Variants in SLC39A4 observed in about 807,000 individuals in gnomAD.
SLC39A4 encodes the protein solute carrier family 39 member 4.
SLC39A4 carries 49 observed loss-of-function variants against 56.6 expected under a neutral mutation model. The observed-to-expected ratio is 0.87, with a 90% CI of 0.69 to 1.10. The LOEUF is 1.10. Ranked by LOEUF, SLC39A4 falls within the 50% of genes least tolerant of loss-of-function variation. The pLI is 0.00. For missense variants in SLC39A4, 993 were observed against 864.2 expected (o/e 1.15, Z -1.87); for synonymous variants, 540 against 420.4 (o/e 1.28, Z -3.48).
rs1554873854 is a variant in SLC39A4, at chr8:144,415,938, C to T, written c.346G>A (p.Ala116Thr). The change falls in exon 2 of 12, where the codon GCT becomes ACT. Residue 116 changes from alanine to threonine, a missense_variant. By Grantham distance (58) the Ala-to-Thr change is moderately conservative (BLOSUM62 0). Transcript: ENST00000301305. ...TCTGCATGAGAGGCCCAGAGGCCAG[C>T]CCGAGCGTCCTCACAGGTGCCCTCG... Reference protein sequence around the residue: ...NPEGTCEDARAGLWASHADHL... With the variant: ...NPEGTCEDARTGLWASHADHL... 3.1e-6 allele frequency: 5 copies of T among 1,595,416 alleles called. No individual in the cohort carries two copies. The highest frequency in any genetic ancestry group is 4.3e-6 in the Non-Finnish European group (5 of 1,173,596).
At position 144,414,293 on chromosome 8, in the gene SLC39A4, G is replaced by T. The variant is rs368310239; in HGVS notation, c.1118C>A (p.Thr373Asn). Reference sequence around the variant, plus strand: ...CGTCAGATGCAGGACAGCGTCCCCAGTGACTGCACCCACTGCCAGGCTCAG... The same window carrying T: ...CGTCAGATGCAGGACAGCGTCCCCATTGACTGCACCCACTGCCAGGCTCAG... ...TFLSLAVGAVTGDAVLHLTPK... is the reference protein window; with the variant it reads ...TFLSLAVGAVNGDAVLHLTPK... Residue 373 changes from threonine (T) to asparagine (N), a missense_variant, in exon 6 of 12, where the codon ACT becomes AAT. Coordinates refer to ENST00000301305, the MANE Select transcript of SLC39A4 (RefSeq NM_130849.4). 1.2e-6 allele frequency: 2 copies of T among 1,608,784 alleles called. No homozygotes were observed. Among genetic ancestry groups the T allele is most frequent in the Non-Finnish European group, 1.7e-6 (2 of 1,178,668 alleles).
chr8:144,416,018 T>G lies in SLC39A4; in HGVS notation c.266A>C (p.Glu89Ala). 1 of 1,579,514 alleles carries G rather than the reference T, an allele frequency of 6.3e-7. No individual in the cohort carries two copies. Among genetic ancestry groups the G allele is most frequent in the Non-Finnish European group, 8.6e-7 (1 of 1,164,126 alleles). ...ACTGAGGCGGGCGACGTACCTGGCCTCCAGGACCGGGCCCGGGGGCAGCCC... is the reference window on the plus strand; with the variant it reads ...ACTGAGGCGGGCGACGTACCTGGCCGCCAGGACCGGGCCCGGGGGCAGCCC... ...GSGLPPGPVL[E>A]ARYVARLSAA... The change falls in exon 2 of 12, where the codon GAG becomes GCG. Residue 89 changes from glutamate to alanine, a missense_variant. Physicochemically the swap from Glu to Ala is moderately radical, Grantham distance 107 (BLOSUM62 -1). Transcript: ENST00000301305.
Position 144,416,099 on chromosome 8 carries a change from C to G in SLC39A4, c.193-8G>C, listed in dbSNP as rs529649181. The G allele has an allele frequency of 2.2e-5, 36 of 1,600,680 alleles. 1 individual carries two copies. In the African/African-American group the frequency reaches 4.7e-4, roughly 21 times the overall value. ...GTCCTCCACAGACAGGCACTGTGGG[C>G]AGAGACAAGTGAGCAGGGGCGCTGG... On this transcript the variant is annotated splice_polypyrimidine_tract_variant and splice_region_variant and intron_variant, in intron 1 of 11. Coordinates refer to ENST00000301305, the MANE Select transcript of SLC39A4 (RefSeq NM_130849.4).
chr8:144,413,151 T>G, intron 10 of SLC39A4, 86 bp downstream of exon 10: 1 of 1,479,518 alleles, frequency 6.8e-7, no homozygotes, highest in Non-Finnish European at 9.0e-7. Flanking sequence ...CCGCCCATCT[T>G]CCAGGCCCCG....
chr8:144,412,695 GC>G, intron 11 of SLC39A4, 29 bp from the exon 12 acceptor site: 1 of 1,613,532 alleles, frequency 6.2e-7, no homozygotes, highest in Non-Finnish European at 8.5e-7. Flanking sequence ...CCGGGTCAGC[GC>G]CCCTGCTCAG....
intron 4 of SLC39A4, 38 bp downstream of exon 4, chr8:144,414,936 C>T (rs1822102812): frequency 1.9e-6 from 3 of 1,612,972 alleles, no homozygotes; most frequent in African/African-American, 1.3e-5. Flanking sequence ...CCAAGCAGAC[C>T]CCGGTGAGGC....
At chr8:144,414,666 T>A in intron 5 of SLC39A4, 59 bp downstream of exon 5, 12 of 1,597,960 alleles carry the variant, frequency 7.5e-6, no homozygotes, top group South Asian at 6.7e-5. Context: ...AGCCACTCCT[T>A]CCTTCCTACA....
Position 144,414,066 on chromosome 8 carries a change from C to G in SLC39A4, c.1179G>C (p.Glu393Asp), listed in dbSNP as rs782742517. 1.3e-6 allele frequency: 2 copies of G among 1,564,640 alleles called. No individual in the cohort carries two copies. Among genetic ancestry groups the G allele is most frequent in the Non-Finnish European group, 1.7e-6 (2 of 1,154,788 alleles). The change falls in exon 7 of 12, where the codon GAG (glutamate) becomes GAC (aspartate). Residue 393 changes from glutamate (E) to aspartate (D), a missense_variant. Transcript: ENST00000301305. ...KVLGLHTHSE[E>D]GLSPQPTWRL... ...GCCAGGTGGGCTGTGGGCTGAGGCC[C>G]TCTTCGCTGTGTGTATGCAGCCCCA...
In SLC39A4 at chr8:144,415,227, C is replaced by T. The variant is rs370684039; in HGVS notation, c.667G>A (p.Glu223Lys). 6.2e-6 allele frequency: 10 copies of T among 1,612,824 alleles called. No individual in the cohort carries two copies. The highest frequency in any genetic ancestry group is 3.3e-5 in the Admixed American group (2 of 59,992). The change falls in exon 3 of 12, where the codon GAG becomes AAG. Residue 223 changes from glutamate (E) to lysine (K), a missense_variant and splice_region_variant. Physicochemically the swap from Glu to Lys is moderately conservative, Grantham distance 56. Transcript: ENST00000301305. ...HSSEVPMTLA[E>K]LSALMQRLGV... ...CTCCACAGCCCAGCCCAGGCCTCAC[C>T]GGCCAGCGTCATAGGGACCTCGCTG...
At chr8:144,414,703 C>G (rs782031616) in intron 5 of SLC39A4, 22 bp downstream of exon 5, 57 of 1,611,312 alleles carry the variant, frequency 3.5e-5, no homozygotes, top group Non-Finnish European at 4.8e-5. Flanking sequence ...GCTGCCAGCA[C>G]AATGTCGGCG....
At chr8:144,413,185 C>A in intron 10 of SLC39A4, 52 bp downstream of exon 10, 1 of 1,518,894 alleles carries the variant, frequency 6.6e-7, no homozygotes. Context: ...GGTCTCCCCT[C>A]CCAGCCCCGT....
At chr8:144,415,686 A>T in intron 2 of SLC39A4, 124 bp downstream of exon 2, 1 of 1,376,900 alleles carries the variant, frequency 7.3e-7, no homozygotes, top group Non-Finnish European at 9.6e-7. Context: ...CCCCAGCCGC[A>T]GGCCGACTCC....
chr8:144,416,297 A>T, intron 1 of SLC39A4: 1 of 1,524,948 alleles, frequency 6.6e-7, no homozygotes, highest in Non-Finnish European at 8.8e-7. Context: ...GGTCCCCAAC[A>T]GTGGTCCCCC....
rs781963025 is a variant in SLC39A4, at chr8:144,413,945, C to T, written c.1287+13G>A. ...CACACCCACCCGCCGGGTACCTTCC[C>T]AAGAAGCCTGACCTCCGGGTCCCTG... On this transcript the variant is annotated intron_variant, in intron 7 of 11. Coordinates refer to ENST00000301305, the MANE Select transcript of SLC39A4 (RefSeq NM_130849.4). The T allele has an allele frequency of 4.3e-6, 7 of 1,610,908 alleles. No homozygotes were observed. The South Asian group carries it at 5.5e-5, about 13-fold the overall frequency.
At position 144,415,882 on chromosome 8, in the gene SLC39A4, C is replaced by A; in HGVS notation, c.402G>T (p.Lys134Asn). 6.3e-7 allele frequency: 1 copy of A among 1,597,178 alleles called. No individual in the cohort carries two copies. Among genetic ancestry groups the A allele is most frequent in the Non-Finnish European group, 8.5e-7 (1 of 1,175,036 alleles). ...GCCAGCTCAGGCCCGGGGTCAGGGC[C>A]TTGGGGCTCTCGAGCAGGGCCAGGA... Reference protein sequence around the residue: ...DHLLALLESPKALTPGLSWLL... With the variant: ...DHLLALLESPNALTPGLSWLL... Residue 134 changes from lysine to asparagine, a missense_variant, in exon 2 of 12, where the codon AAG (lysine) becomes AAT (asparagine). Transcript: ENST00000301305.
chr8:144,413,010 G>T, intron 10 of SLC39A4, 64 bp from the exon 11 acceptor site: 1 of 1,527,254 alleles, frequency 6.5e-7, no homozygotes, highest in Non-Finnish European at 8.8e-7. Context: ...ACCTCCTTTC[G>T]GTCCCGCCCT....
In SLC39A4 at chr8:144,415,865, A is replaced by G; in HGVS notation, c.419T>C (p.Leu140Pro). Residue 140 changes from leucine (L) to proline (P), a missense_variant, in exon 2 of 12, where the codon CTG becomes CCG. Coordinates refer to ENST00000301305, the MANE Select transcript of SLC39A4 (RefSeq NM_130849.4). Reference protein sequence around the residue: ...LESPKALTPGLSWLLQRMQAR... With the variant: ...LESPKALTPGPSWLLQRMQAR... ...CTGCATCCTCTGCAGCAGCCAGCTC[A>G]GGCCCGGGGTCAGGGCCTTGGGGCT... The G allele has an allele frequency of 6.3e-7, 1 of 1,597,862 alleles. No individual in the cohort carries two copies.
chr8:144,416,173 G>A lies in SLC39A4; in HGVS notation c.193-82C>T, dbSNP rs367853286. The A allele has an allele frequency of 7.7e-5, 123 of 1,595,668 alleles. No individual in the cohort carries two copies. The highest frequency in any genetic ancestry group is 1.5e-4 in the Admixed American group (9 of 58,336). Reference sequence around the variant, plus strand: ...GGCCTGGCCAGGGGCTTCCCCGAGGGCCTGTTTCCCTTTCAAGTCCAACAA... The same window carrying A: ...GGCCTGGCCAGGGGCTTCCCCGAGGACCTGTTTCCCTTTCAAGTCCAACAA... On this transcript the variant is annotated intron_variant, in intron 1 of 11. Coordinates refer to ENST00000301305, the MANE Select transcript of SLC39A4 (RefSeq NM_130849.4).
chr8:144,415,228 G>T lies in SLC39A4; in HGVS notation c.666C>A (p.Ala222=). 1 of 1,612,936 alleles carries T rather than the reference G, an allele frequency of 6.2e-7. No homozygotes were observed. The highest frequency in any genetic ancestry group is 8.5e-7 in the Non-Finnish European group (1 of 1,179,834). ...TCCACAGCCCAGCCCAGGCCTCACC[G>T]GCCAGCGTCATAGGGACCTCGCTGC... ...QHSSEVPMTL[A]ELSALMQRLG... The change falls in exon 3 of 12, where the codon GCC becomes GCA. Residue 222 remains alanine (A), a splice_region_variant and synonymous_variant. Coordinates refer to ENST00000301305, the MANE Select transcript of SLC39A4 (RefSeq NM_130849.4).
Sources: allele counts gnomAD v4.1 joint callset, GRCh38; gene constraint gnomAD v4.1.1; transcripts MANE v1.5; gene names NCBI Gene and HGNC (gene_info 2026-07-23, HGNC 2026-07-21).